Variants in NMT2 observed in about 807,000 individuals in gnomAD.
The protein encoded by NMT2 is N-myristoyltransferase 2.
NMT2 carries 35 observed loss-of-function variants against 65.4 expected under a neutral mutation model. The observed-to-expected ratio is 0.54, with a 90% CI of 0.41 to 0.71. NMT2 has a LOEUF of 0.71. Among genes scored for constraint, NMT2 ranks in the 30% least tolerant of loss-of-function variants. NMT2 has a pLI of 0.00. For synonymous variants in NMT2, 226 were observed against 231.8 expected (o/e 0.98, Z 0.23); for missense variants, 489 against 611.3 (o/e 0.80, Z 2.11).
intron 2 of NMT2, chr10:15,140,936 G>A (rs1310410578): frequency 2.4e-5 from 35 of 1,485,362 alleles, no homozygotes; most frequent in Non-Finnish European, 2.7e-5. Flanking sequence ...GCATTAGAAT[G>A]AAGAACGACC....
chr10:15,126,096 C>A (rs765736798), intron 8 of NMT2, among the ~76,000 whole-genome samples: 1 of 151,974 alleles, frequency 6.6e-6, no homozygotes, highest in Non-Finnish European at 1.5e-5. Flanking sequence ...GCTCCTGTTA[C>A]GTGTGGGCAG....
At chr10:15,138,179 T>C (rs1168270478) in intron 2 of NMT2, among the ~76,000 whole-genome samples, 2 of 152,028 alleles carry the variant, frequency 1.3e-5, no homozygotes, top group Non-Finnish European at 2.9e-5. Context: ...CCTGGCTAAT[T>C]TTTGTATTTT....
chr10:15,127,992 C>T (rs1290138163), intron 8 of NMT2, among the ~76,000 whole-genome samples: 1 of 152,140 alleles, frequency 6.6e-6, no homozygotes, highest in Non-Finnish European at 1.5e-5. Flanking sequence ...CGCTGGGTCT[C>T]TCCTCTACAC....
At position 15,167,571 on chromosome 10, in the gene NMT2, A is replaced by C. The variant is rs557117724; in HGVS notation, c.110+932T>G. Among the ~76,000 whole-genome samples, 5 of 152,298 alleles carry C rather than the reference A, an allele frequency of 3.3e-5. No individual in the cohort carries two copies. In the South Asian group the frequency reaches 8.3e-4, roughly 25 times the overall value. On this transcript the variant is annotated intron_variant, in intron 1 of 11. Coordinates refer to ENST00000378165, the MANE Select transcript of NMT2 (RefSeq NM_004808.3). ...CCGCTCTGTGCCAGCGCATAGTTTGAATCCAATAGGGTAAAAGGGTAATGT... is the reference window on the plus strand; with the variant it reads ...CCGCTCTGTGCCAGCGCATAGTTTGCATCCAATAGGGTAAAAGGGTAATGT...
intron 1 of NMT2, among the ~76,000 whole-genome samples, chr10:15,146,634 C>T (rs532600449): frequency 6.6e-6 from 1 of 152,324 alleles, no homozygotes; most frequent in East Asian, 1.9e-4. Flanking sequence ...GGCGCAGTCT[C>T]GACCCTGGAT....
intron 7 of NMT2, among the ~76,000 whole-genome samples, chr10:15,129,269 G>A (rs780264444): frequency 3.9e-5 from 6 of 151,956 alleles, no homozygotes; most frequent in South Asian, 2.1e-4. Context: ...TTTACTTAAC[G>A]AATGTAATAA....
chr10:15,138,483 C>G (rs1846601757), intron 2 of NMT2: 1 of 470,978 alleles, frequency 2.1e-6, no homozygotes, highest in Admixed American at 2.4e-5. Flanking sequence ...AGATGAATAT[C>G]TACCCGACAT....
intron 1 of NMT2, among the ~76,000 whole-genome samples, chr10:15,147,746 G>A (rs1847015341): frequency 6.6e-6 from 1 of 152,190 alleles, no homozygotes; most frequent in Non-Finnish European, 1.5e-5. Flanking sequence ...GCCTAGAACA[G>A]TGTCTGGCAT....
chr10:15,149,244 GTCA>G (rs1259216403), intron 1 of NMT2, among the ~76,000 whole-genome samples: 3 of 116,528 alleles, frequency 2.6e-5, no homozygotes, highest in Admixed American at 9.0e-5. Context: ...CATTGCCACT[GTCA>G]TCATCACCAT....
chr10:15,148,700 A>G (rs759333096), intron 1 of NMT2, among the ~76,000 whole-genome samples: 16 of 152,172 alleles, frequency 1.1e-4, no homozygotes, highest in Non-Finnish European at 2.1e-4. Flanking sequence ...ACTAGAACAT[A>G]AGATCCATAA....
chr10:15,132,673 C>G, intron 6 of NMT2, 144 bp downstream of exon 6: 1 of 535,202 alleles, frequency 1.9e-6, no homozygotes, highest in Non-Finnish European at 3.3e-6. Flanking sequence ...GGTGATCTAT[C>G]TGCCTCAGCC....
At chr10:15,119,136 C>T (rs996528193) in intron 9 of NMT2, among the ~76,000 whole-genome samples, 3 of 152,352 alleles carry the variant, frequency 2.0e-5, no homozygotes, top group African/African-American at 7.2e-5. Context: ...ACCACACCCT[C>T]ATGGTTCAAC....
In NMT2 at chr10:15,110,972, T is replaced by C. The variant is rs143861438; in HGVS notation, c.1339-1133A>G. 8.6e-3 allele frequency among the ~76,000 whole-genome samples: 1,310 copies of C among 152,016 alleles called. 25 individuals carry two copies. Among genetic ancestry groups the C allele is most frequent in the African/African-American group, 0.03 (1,224 of 41,490 alleles). On this transcript the variant is annotated intron_variant, in intron 10 of 11. Transcript: ENST00000378165. Reference sequence around the variant, plus strand: ...TGCCCAGCTAATTTCTTTGTATTTTTAGTAGAGACCGGGTTTCACCGTGTT... The same window carrying C: ...TGCCCAGCTAATTTCTTTGTATTTTCAGTAGAGACCGGGTTTCACCGTGTT...
intron 1 of NMT2, among the ~76,000 whole-genome samples, chr10:15,155,535 G>GTT (rs71390015): frequency 5.6e-4 from 33 of 59,388 alleles, no homozygotes; most frequent in South Asian, 2.5e-3. Flanking sequence ...TGCCGGGCTA[G>GTT]TTTTTTTTTT....
intron 1 of NMT2, among the ~76,000 whole-genome samples, chr10:15,163,647 T>C (rs1038100104): frequency 1.3e-5 from 2 of 152,242 alleles, no homozygotes; most frequent in Non-Finnish European, 2.9e-5. Context: ...CAAGTCATAA[T>C]GTTTCTGCAT....
intron 3 of NMT2, 49 bp downstream of exon 3, chr10:15,135,225 C>G (rs369940974): frequency 1.7e-5 from 26 of 1,500,898 alleles, no homozygotes; most frequent in South Asian, 5.7e-5. Flanking sequence ...TGTTGTTGTT[C>G]ATCCAGCTTT....
intron 1 of NMT2, among the ~76,000 whole-genome samples, chr10:15,156,384 G>C (rs547329746): frequency 5.3e-5 from 8 of 152,102 alleles, no homozygotes; most frequent in African/African-American, 1.7e-4. Context: ...GTTTCCTAAG[G>C]CTTCTCCAAC....
chr10:15,135,190 GTTTTGTTGTTGTT>G lies in NMT2; in HGVS notation c.391+71_391+83del, dbSNP rs1164959288. On this transcript the variant is annotated intron_variant, in intron 3 of 11. Coordinates refer to ENST00000378165, the MANE Select transcript of NMT2 (RefSeq NM_004808.3). ...TACATGTGAAGTTAACACTCTTTGT[GTTTTGTTGTTGTT>G]GTTGTTGTTGTTGTTGTTGTTCATC... 1.4e-4 allele frequency: 171 copies of G among 1,237,302 alleles called. No homozygotes were observed. In the African/African-American group the frequency reaches 2.5e-3, roughly 18 times the overall value. The allele number at this position is 1,237,302 out of a possible 1,614,324, so 76.6% of individuals were successfully genotyped here.
intron 8 of NMT2, among the ~76,000 whole-genome samples, chr10:15,120,791 C>T (rs1845902734): frequency 6.6e-6 from 1 of 152,130 alleles, no homozygotes; most frequent in African/African-American, 2.4e-5. Context: ...TAAAGGCAAA[C>T]GGGTTTACAG....
Sources: allele counts gnomAD v4.1 joint callset (sites outside exome capture counted in the v4.1 genomes callset), GRCh38; gene constraint gnomAD v4.1.1; transcripts MANE v1.5; gene names NCBI Gene and HGNC (gene_info 2026-07-23, HGNC 2026-07-21).